Variants in CEP192 observed in about 807,000 individuals in gnomAD.
CEP192 encodes the protein centrosomal protein 192.
In CEP192, 151 loss-of-function variants were observed where a neutral mutation model predicts 271.8. The observed-to-expected ratio is 0.56, with a 90% CI of 0.49 to 0.64. The LOEUF is 0.64. Among genes scored for constraint, CEP192 ranks in the 30% least tolerant of loss-of-function variants. CEP192 has a pLI of 0.00. For synonymous variants in CEP192, 995 were observed against 1,076.5 expected (o/e 0.92, Z 1.48); for missense variants, 2,910 against 3,020.5 (o/e 0.96, Z 0.86).
chr18:12,999,245 T>A (rs2033454636), intron 1 of CEP192, among the ~76,000 whole-genome samples, 176 bp from the exon 2 acceptor site: 1 of 152,216 alleles, frequency 6.6e-6, no homozygotes, highest in South Asian at 2.1e-4. Context: ...ATCTATAAAG[T>A]AGCAAAGTAT....
intron 38 of CEP192, 114 bp from the exon 39 acceptor site, chr18:13,103,395 G>T (rs2039805134): frequency 1.3e-5 from 10 of 741,928 alleles, no homozygotes; most frequent in African/African-American, 1.7e-5. Flanking sequence ...CTCCTTTAGG[G>T]ATCTAATGAT....
chr18:12,998,365 T>A (rs1329320460), intron 1 of CEP192, among the ~76,000 whole-genome samples: 1 of 152,236 alleles, frequency 6.6e-6, no homozygotes, highest in Non-Finnish European at 1.5e-5. Context: ...GAGTATTTGC[T>A]ACTGCCAGCA....
intron 4 of CEP192, among the ~76,000 whole-genome samples, chr18:13,009,802 C>T (rs998717736): frequency 1.3e-5 from 2 of 152,228 alleles, no homozygotes; most frequent in South Asian, 2.1e-4. Context: ...CACTGTACTC[C>T]AGCCTGGGTG....
intron 15 of CEP192, among the ~76,000 whole-genome samples, chr18:13,044,846 T>C (rs2143880142): frequency 6.6e-6 from 1 of 152,288 alleles, no homozygotes; most frequent in Admixed American, 6.5e-5. Context: ...AGATTGGTGC[T>C]TTTTTAAAGA....
In CEP192 at chr18:13,048,982, C is replaced by G; in HGVS notation, c.2191C>G (p.Pro731Ala). Residue 731 changes from proline to alanine, a missense_variant, in exon 16 of 45, where the codon CCT becomes GCT. Transcript: ENST00000506447. ...AIAEASVNTD[P>A]SQLAAMIKAL... The stretch of plus-strand genomic sequence containing the variant: ...TGCAGAGGCATCAGTTAATACTGAT[C>G]CTTCCCAACTTGCTGCAATGATCAA... The G allele has an allele frequency of 6.2e-7, 1 of 1,614,024 alleles. No homozygotes were observed. Among genetic ancestry groups the G allele is most frequent in the East Asian group, 2.2e-5 (1 of 44,872 alleles).
At position 13,073,170 on chromosome 18, in the gene CEP192, A is replaced by G; in HGVS notation, c.5601A>G (p.Pro1867=). The change falls in exon 30 of 45, where the codon CCA becomes CCG. Residue 1867 remains proline (P), a synonymous_variant. Transcript: ENST00000506447. ...AACAACTTGGAAATCGATCACAACC[A>G]GGCATTAAGTTCACAGTAAGATCAT... ...EIKQLGNRSQ[P]GIKFTIPLSG... 1.2e-6 allele frequency: 2 copies of G among 1,608,500 alleles called. No homozygotes were observed. Among genetic ancestry groups the G allele is most frequent in the South Asian group, 1.1e-5 (1 of 89,592 alleles).
intron 3 of CEP192, 139 bp from the exon 4 acceptor site, chr18:13,008,317 G>A: frequency 1.5e-6 from 1 of 650,698 alleles, no homozygotes; most frequent in Non-Finnish European, 2.7e-6. Context: ...GTAGTTTTCT[G>A]GCTAGACTCA....
intron 11 of CEP192, among the ~76,000 whole-genome samples, chr18:13,034,075 T>C (rs1210996314): frequency 6.6e-6 from 1 of 152,190 alleles, no homozygotes; most frequent in Non-Finnish European, 1.5e-5. Context: ...AAAAGCTCTT[T>C]ATTGTGGTGT....
At chr18:13,079,333 T>A (rs1265548348) in intron 30 of CEP192, among the ~76,000 whole-genome samples, 2 of 152,252 alleles carry the variant, frequency 1.3e-5, no homozygotes, top group Non-Finnish European at 2.9e-5. Flanking sequence ...CCATTCTGAC[T>A]GGTGTGAGAT....
At chr18:13,021,164 T>C (rs2034968704) in intron 9 of CEP192, among the ~76,000 whole-genome samples, 1 of 152,224 alleles carries the variant, frequency 6.6e-6, no homozygotes. Context: ...GATTTTCCTG[T>C]TTTATTCTAA....
Position 13,015,376 on chromosome 18 carries a change from A to G in CEP192, c.568A>G (p.Ser190Gly). 1 of 1,550,530 alleles carries G rather than the reference A, an allele frequency of 6.4e-7. No individual in the cohort carries two copies. The highest frequency in any genetic ancestry group is 1.4e-5 in the African/African-American group (1 of 73,132). Residue 190 changes from serine (S) to glycine (G), a missense_variant, in exon 6 of 45, where the codon AGT becomes GGT. Ser to Gly is a moderately conservative substitution (Grantham distance 56). Transcript: ENST00000506447. ...GKHFEDKTLK[S>G]DLSHTSLLEN... Reference sequence around the variant, plus strand: ...ACATTTTGAAGACAAGACTCTAAAGAGTGACCTAAGCCACACTAGCTTATT... The same window carrying G: ...ACATTTTGAAGACAAGACTCTAAAGGGTGACCTAAGCCACACTAGCTTATT...
intron 11 of CEP192, among the ~76,000 whole-genome samples, chr18:13,035,464 A>C (rs946423620): frequency 6.6e-6 from 1 of 152,218 alleles, no homozygotes; most frequent in Non-Finnish European, 1.5e-5. Context: ...TGATAAACCC[A>C]TCAGATCTCG....
intron 40 of CEP192, among the ~76,000 whole-genome samples, chr18:13,106,326 C>G (rs2039943314): frequency 6.6e-6 from 1 of 152,020 alleles, no homozygotes; most frequent in Non-Finnish European, 1.5e-5. Flanking sequence ...CCACTCACAA[C>G]TACCATCATC....
chr18:13,025,240 A>T (rs1346520984), intron 9 of CEP192, among the ~76,000 whole-genome samples: 1 of 151,576 alleles, frequency 6.6e-6, no homozygotes, highest in Non-Finnish European at 1.5e-5. Context: ...CTATTTTGAG[A>T]CAGGGTCTCT....
chr18:13,100,534 T>G (rs752268267), intron 38 of CEP192, 22 bp downstream of exon 38: 120 of 1,528,530 alleles, frequency 7.9e-5, no homozygotes, highest in Non-Finnish European at 1.0e-4. Flanking sequence ...CAAAATTATG[T>G]AATTCAAATG....
Position 13,017,047 on chromosome 18 carries a change from T to C in CEP192, c.641-141T>C, listed in dbSNP as rs2034688576. 4 of 602,700 alleles carry C rather than the reference T, an allele frequency of 6.6e-6. No individual in the cohort carries two copies. In the South Asian group the frequency reaches 9.0e-5, roughly 14 times the overall value. The allele number at this position is 602,700 out of a possible 1,614,324, so 37.3% of individuals were successfully genotyped here. A position where few individuals can be genotyped will look rare whatever the true frequency, so the allele number is the denominator to read the frequency against. On this transcript the variant is annotated intron_variant, in intron 6 of 44. Transcript: ENST00000506447. ...GGTTTATAATTGACTGAAGTTACAA[T>C]AGTTTTCTCATGTCAAACAAAAAAG...
At chr18:13,029,626 G>A in intron 9 of CEP192, 37 bp from the exon 10 acceptor site, 1 of 1,258,610 alleles carries the variant, frequency 7.9e-7, no homozygotes, top group African/African-American at 1.5e-5. Flanking sequence ...AAGACTTACT[G>A]TTGCTCTGTT....
intron 30 of CEP192, among the ~76,000 whole-genome samples, chr18:13,084,641 A>C (rs568615297): frequency 6.6e-6 from 1 of 152,078 alleles, no homozygotes; most frequent in South Asian, 2.1e-4. Context: ...CCACTGTCCA[A>C]CCAGTCCCAG....
chr18:13,000,091 C>CTTTT (rs775544715), intron 2 of CEP192, among the ~76,000 whole-genome samples: 72 of 76,716 alleles, frequency 9.4e-4, no homozygotes, highest in Non-Finnish European at 1.3e-3. Context: ...TGTCTTCTCT[C>CTTTT]TTTTTTTTTT....
Sources: allele counts gnomAD v4.1 joint callset (sites outside exome capture counted in the v4.1 genomes callset), GRCh38; gene constraint gnomAD v4.1.1; transcripts MANE v1.5; gene names NCBI Gene and HGNC (gene_info 2026-07-23, HGNC 2026-07-21).